Variants in KCNN2 observed in about 807,000 individuals in gnomAD.
KCNN2 encodes the protein small conductance calcium-activated potassium channel protein 2.
In KCNN2, 24 loss-of-function variants were observed where a neutral mutation model predicts 55.5. That is an observed-to-expected ratio of 0.43 (90% confidence interval 0.31 to 0.61). The LOEUF (loss-of-function observed/expected upper bound fraction) is 0.61. Ranked by LOEUF, KCNN2 falls within the 20% of genes least tolerant of loss-of-function variation. The probability of loss-of-function intolerance (pLI) is 0.08; values close to 1 mark genes in which losing one functional copy is unlikely to be tolerated. For missense variants in KCNN2, 754 were observed against 853.6 expected, an observed-to-expected ratio of 0.88 and a Z score of 1.45; for synonymous variants, 431 against 336.1, an observed-to-expected ratio of 1.28 and a Z score of -3.09.
intron 1 of KCNN2, among the ~76,000 whole-genome samples, chr5:114,201,980 C>A (rs1050437115): frequency 2.0e-5 from 3 of 152,102 alleles, no homozygotes; most frequent in African/African-American, 7.2e-5. Flanking sequence ...GCAGCATGGG[C>A]AAGAAGCTGT....
intron 1 of KCNN2, among the ~76,000 whole-genome samples, chr5:114,185,823 T>G (rs2112557729): frequency 6.6e-6 from 1 of 152,334 alleles, no homozygotes. Context: ...ATTAGGACAA[T>G]CTTATGAAAT....
chr5:114,286,789 T>C, intron 2 of KCNN2, among the ~76,000 whole-genome samples: 1 of 152,094 alleles, frequency 6.6e-6, no homozygotes, highest in East Asian at 1.9e-4. Flanking sequence ...GACAAAATAG[T>C]GAATAGATAA....
chr5:114,495,237 G>C (rs1748057090), intron 7 of KCNN2, among the ~76,000 whole-genome samples: 1 of 152,142 alleles, frequency 6.6e-6, no homozygotes, highest in Non-Finnish European at 1.5e-5. Flanking sequence ...AGGTAGACTG[G>C]TAACTTCAGT....
Position 114,404,524 on chromosome 5 carries a change from G to A in KCNN2, c.1305G>A (p.Val435=). ...TCTTCATCTGCTTGGAAATACTGGT[G>A]TGTGCTATTCATCCCATACCTGGGA... ...RIFFICLEIL[V]CAIHPIPGNY... Residue 435 remains valine (V), a synonymous_variant, in exon 3 of 8, where the codon GTG becomes GTA. Transcript: ENST00000673685. 2 of 1,613,406 alleles carry A rather than the reference G, an allele frequency of 1.2e-6. No individual in the cohort carries two copies. The highest frequency in any genetic ancestry group is 1.7e-5 in the Admixed American group (1 of 60,014).
At chr5:114,160,174 A>G (rs1429174566) in intron 1 of KCNN2, among the ~76,000 whole-genome samples, 2 of 152,102 alleles carry the variant, frequency 1.3e-5, no homozygotes, top group Non-Finnish European at 2.9e-5. Flanking sequence ...TACTGCTTAG[A>G]ATGTGTCCCA....
chr5:114,457,589 A>C (rs6864302), intron 3 of KCNN2, among the ~76,000 whole-genome samples: 2 of 152,136 alleles, frequency 1.3e-5, no homozygotes, highest in East Asian at 1.9e-4. Context: ...ACTGCAGTCT[A>C]TCTTCAAGCG....
chr5:114,397,125 G>C (rs532550981), intron 2 of KCNN2, among the ~76,000 whole-genome samples: 1 of 152,088 alleles, frequency 6.6e-6, no homozygotes, highest in Non-Finnish European at 1.5e-5. Context: ...CTCTACCAAT[G>C]AAGGGCATTT....
chr5:114,219,777 C>G (rs965254886), intron 1 of KCNN2, among the ~76,000 whole-genome samples: 1 of 151,994 alleles, frequency 6.6e-6, no homozygotes, highest in Non-Finnish European at 1.5e-5. Context: ...ATTTCTCTGC[C>G]CTTGTCCCTA....
chr5:114,103,246 G>A (rs535612254), intron 1 of KCNN2, among the ~76,000 whole-genome samples: 6 of 152,202 alleles, frequency 3.9e-5, no homozygotes, highest in East Asian at 1.9e-4. Context: ...TCTGTTATTC[G>A]TATATAGGAA....
chr5:114,219,160 C>T (rs1354191399), intron 1 of KCNN2, among the ~76,000 whole-genome samples: 13 of 152,232 alleles, frequency 8.5e-5, no homozygotes, highest in Admixed American at 7.2e-4. Flanking sequence ...GTGCCTGTGA[C>T]TCTTGAAGCC....
chr5:114,303,988 A>G (rs1278899294), intron 2 of KCNN2, among the ~76,000 whole-genome samples: 1 of 152,150 alleles, frequency 6.6e-6, no homozygotes, highest in East Asian at 1.9e-4. Context: ...GCTGGGATAT[A>G]ATTTAGGAGT....
At chr5:114,083,109 A>G (rs557426678) in intron 1 of KCNN2, among the ~76,000 whole-genome samples, 30 of 152,258 alleles carry the variant, frequency 2.0e-4, no homozygotes, top group South Asian at 4.1e-4. Context: ...AATATTTGTA[A>G]TATAGCCTTT....
intron 1 of KCNN2, among the ~76,000 whole-genome samples, chr5:114,086,421 C>T (rs554565886): frequency 1.3e-4 from 20 of 151,044 alleles, no homozygotes; most frequent in Non-Finnish European, 2.5e-4. Flanking sequence ...TTTTAAGTCC[C>T]TGTCTCACAC....
intron 2 of KCNN2, among the ~76,000 whole-genome samples, chr5:114,313,195 T>C (rs1756439681): frequency 6.6e-6 from 1 of 152,120 alleles, no homozygotes; most frequent in South Asian, 2.1e-4. Flanking sequence ...GCTGGAACAT[T>C]GAAGATTGTC....
intron 2 of KCNN2, among the ~76,000 whole-genome samples, chr5:114,238,602 G>T (rs13159883): frequency 0.11 from 17,021 of 151,382 alleles, 1,141 homozygotes; most frequent in Middle Eastern, 0.23. Context: ...CTCCAGTCTG[G>T]GTGACAGAGT....
At chr5:114,480,119 C>CTAGA (rs1326646702) in intron 5 of KCNN2, among the ~76,000 whole-genome samples, 1 of 151,758 alleles carries the variant, frequency 6.6e-6, no homozygotes, top group African/African-American at 2.4e-5. Context: ...AGATAGACCA[C>CTAGA]TAGATAGACA....
At chr5:114,170,903 TC>T (rs941974380) in intron 1 of KCNN2, among the ~76,000 whole-genome samples, 10 of 152,018 alleles carry the variant, frequency 6.6e-5, no homozygotes, top group African/African-American at 2.4e-4. Context: ...AACACATTTC[TC>T]CATTATCTCA....
chr5:114,335,239 G>T (rs897310802), intron 2 of KCNN2, among the ~76,000 whole-genome samples: 1 of 152,000 alleles, frequency 6.6e-6, no homozygotes, highest in Non-Finnish European at 1.5e-5. Flanking sequence ...TGACCACTGG[G>T]GACTCAGATT....
intron 2 of KCNN2, among the ~76,000 whole-genome samples, chr5:114,344,111 G>T (rs940800322): frequency 6.6e-6 from 1 of 152,154 alleles, no homozygotes; most frequent in Non-Finnish European, 1.5e-5. Flanking sequence ...ACCCAGAGTT[G>T]TTAGCCAAAA....
Sources: gnomAD v4.1 joint callset for allele counts (sites outside exome capture counted in the v4.1 genomes callset) on GRCh38, gnomAD v4.1.1 for gene constraint, MANE v1.5 for transcripts, NCBI Gene and HGNC (gene_info 2026-07-23, HGNC 2026-07-21) for gene names.